SBNO1: variants seen among roughly 807,000 people sequenced by gnomAD.
The protein encoded by SBNO1 is strawberry notch homolog 1, also known as protein strawberry notch homolog 1.
A neutral mutation model predicts 173.6 loss-of-function variants in SBNO1; 23 were observed. The ratio of observed to expected loss-of-function variants is 0.13; its 90% CI spans 0.10 to 0.19. The LOEUF is 0.19. SBNO1 is among the 10% of genes least tolerant of loss of function. SBNO1 has a pLI of 1.00. For synonymous variants in SBNO1, 632 were observed against 571.5 expected (o/e 1.11, Z -1.51); for missense variants, 1,238 against 1,671.2 (o/e 0.74, Z 4.52).
At chr12:123,302,754 A>G in intron 30 of SBNO1, 70 bp downstream of exon 30, 9 of 926,126 alleles carry the variant, frequency 9.7e-6, no homozygotes, top group Non-Finnish European at 1.6e-5. Context: ...ACATACTGAT[A>G]AAGAGTGAAG....
At chr12:123,324,322 T>C (rs949553714) in intron 15 of SBNO1, among the ~76,000 whole-genome samples, 3 of 75,218 alleles carry the variant, frequency 4.0e-5, no homozygotes, top group African/African-American at 1.7e-4. Context: ...TCTTGCTTTT[T>C]TCTTTTTTTT....
At chr12:123,309,186 T>C in intron 28 of SBNO1, 124 bp downstream of exon 28, 2 of 706,766 alleles carry the variant, frequency 2.8e-6, no homozygotes, top group South Asian at 3.6e-5. Flanking sequence ...ATTACAATGA[T>C]AAATTACCAA....
chr12:123,314,773 T>A (rs1869072156), intron 23 of SBNO1, among the ~76,000 whole-genome samples: 1 of 152,172 alleles, frequency 6.6e-6, no homozygotes, highest in Non-Finnish European at 1.5e-5. Context: ...GCCCATCTAA[T>A]TTTTGTAGAG....
At chr12:123,303,603 C>G (rs547469894) in intron 29 of SBNO1, among the ~76,000 whole-genome samples, 6 of 152,042 alleles carry the variant, frequency 3.9e-5, no homozygotes, top group Non-Finnish European at 8.8e-5. Flanking sequence ...GAGCCAAGAT[C>G]GCGCCACTAC....
At chr12:123,363,628 T>TA (rs1412118393) in intron 1 of SBNO1, among the ~76,000 whole-genome samples, 1 of 152,172 alleles carries the variant, frequency 6.6e-6, no homozygotes, top group East Asian at 1.9e-4. Flanking sequence ...CGGGTGCACT[T>TA]ACAATTGGCT....
intron 8 of SBNO1, among the ~76,000 whole-genome samples, chr12:123,330,851 T>C (rs1487259743): frequency 6.6e-6 from 1 of 151,832 alleles, no homozygotes; most frequent in Non-Finnish European, 1.5e-5. Context: ...CTTGAGCCCC[T>C]GAGGTAGAGG....
intron 31 of SBNO1, among the ~76,000 whole-genome samples, chr12:123,296,799 T>C: frequency 6.6e-6 from 1 of 151,926 alleles, no homozygotes; most frequent in East Asian, 1.9e-4. Flanking sequence ...GACTTCATGA[T>C]CCACCTGCCT....
At chr12:123,337,807 C>A (rs1872030270) in intron 5 of SBNO1, among the ~76,000 whole-genome samples, 1 of 152,150 alleles carries the variant, frequency 6.6e-6, no homozygotes, top group African/African-American at 2.4e-5. Flanking sequence ...CTAACCCTGT[C>A]CTCGCTTATA....
intron 29 of SBNO1, 49 bp downstream of exon 29, chr12:123,304,533 G>T (rs371244412): frequency 1.4e-6 from 2 of 1,391,238 alleles, no homozygotes; most frequent in African/African-American, 1.4e-5. Flanking sequence ...ACATTGCCTG[G>T]CCCAAAGTAA....
chr12:123,324,324 CTTTT>C (rs61618485), intron 15 of SBNO1, among the ~76,000 whole-genome samples: 35 of 117,548 alleles, frequency 3.0e-4, no homozygotes, highest in Admixed American at 6.9e-4. Context: ...TTGCTTTTTT[CTTTT>C]TTTTTTTTTT....
rs898357580 is a variant in SBNO1 at position 123,292,520 on chromosome 12, G to T, written c.*3388C>A. On this transcript the variant is annotated 3_prime_UTR_variant, in exon 32 of 32. Coordinates refer to ENST00000602398, the MANE Select transcript of SBNO1 (RefSeq NM_001167856.3). ...TTTCTTCTCTTGCCGGCTAACAATT[G>T]TTCTAACAGCATCCCATGGAGGCCA... is the stretch of plus-strand genomic sequence containing the variant. The T allele has an allele frequency of 2.0e-5, 3 of 152,134 alleles. No homozygotes were observed. Among genetic ancestry groups the T allele is most frequent in the Admixed American group, 2.0e-4 (3 of 15,262 alleles). The allele number at this position is 152,134 out of a possible 1,614,324, so 9.4% of individuals were successfully genotyped here. A position where few individuals can be genotyped will look rare whatever the true frequency, so the allele number is the denominator to read the frequency against.
In SBNO1 at chr12:123,321,262, A is replaced by G. The variant is rs544651655; in HGVS notation, c.2323+273T>C. Among the ~76,000 whole-genome samples the G allele has an allele frequency of 1.2e-4, 19 of 152,214 alleles. No homozygotes were observed. In the South Asian group the frequency reaches 2.5e-3, roughly 20 times the overall value. ...ATGAAATTTTTTATATTGTTAACTG[A>G]TAACTTATCACCACCTACATTGGTT... On this transcript the variant is annotated intron_variant, in intron 17 of 31. Transcript: ENST00000602398.
At chr12:123,312,648 T>G (rs768844569) in intron 24 of SBNO1, among the ~76,000 whole-genome samples, 1 of 151,242 alleles carries the variant, frequency 6.6e-6, no homozygotes, top group Admixed American at 6.6e-5. Flanking sequence ...GTGGCGGAGG[T>G]TGCACTGAGC....
At chr12:123,347,760 C>G (rs1343432154) in intron 3 of SBNO1, among the ~76,000 whole-genome samples, 4 of 152,038 alleles carry the variant, frequency 2.6e-5, no homozygotes, top group Non-Finnish European at 5.9e-5. Flanking sequence ...GTCTTGAACT[C>G]CTGACCTCAA....
At chr12:123,297,177 T>C (rs572682668) in intron 31 of SBNO1, among the ~76,000 whole-genome samples, 86 of 150,846 alleles carry the variant, frequency 5.7e-4, no homozygotes, top group Middle Eastern at 3.4e-3. Flanking sequence ...CTGGCCAACA[T>C]GGTGAAAACC....
chr12:123,309,623 A>G (rs1259951289), intron 26 of SBNO1, 40 bp from the exon 27 acceptor site: 1 of 1,601,598 alleles, frequency 6.2e-7, no homozygotes, highest in Admixed American at 1.7e-5. Context: ...TAAAAAGAAC[A>G]TTTTTATCAG....
At chr12:123,330,157 G>A (rs1400041809) in intron 9 of SBNO1, among the ~76,000 whole-genome samples, 2 of 152,208 alleles carry the variant, frequency 1.3e-5, no homozygotes, top group African/African-American at 4.8e-5. Context: ...GGTGTGCACT[G>A]TACACTTGAG....
Position 123,292,928 on chromosome 12 carries a change from TACAG to T in SBNO1, c.*2976_*2979del, listed in dbSNP as rs2048533601. ...AGTGTATCTGGATAATCCCAGTAAC[TACAG>T]ACAGAGACCTTGTGGTATGGAGGTT... On this transcript the variant is annotated 3_prime_UTR_variant, in exon 32 of 32. Transcript: ENST00000602398. The T allele has an allele frequency of 6.6e-6, 1 of 152,194 alleles. No homozygotes were observed. Among genetic ancestry groups the T allele is most frequent in the Non-Finnish European group, 1.5e-5 (1 of 68,028 alleles). 9.4% of individuals were successfully genotyped at this position (152,194 alleles called of 1,614,324 possible).
Position 123,357,082 on chromosome 12 carries a change from CTT to C in SBNO1, c.1-6643_1-6642del, listed in dbSNP as rs1278101493. Among the ~76,000 whole-genome samples the C allele has an allele frequency of 6.1e-3, 929 of 152,202 alleles. 13 individuals carry two copies. Among genetic ancestry groups the C allele is most frequent in the African/African-American group, 0.021 (890 of 41,538 alleles). On this transcript the variant is annotated intron_variant, in intron 1 of 31. Coordinates refer to ENST00000602398, the MANE Select transcript of SBNO1 (RefSeq NM_001167856.3). ...AAGTGTCTACTGTGTGCAGTAGACACTTAAGAACATCAGGAGAAAGAAACAGC... is the reference window on the plus strand; with the variant it reads ...AAGTGTCTACTGTGTGCAGTAGACACAAGAACATCAGGAGAAAGAAACAGC...
Sources: gnomAD v4.1 joint callset for allele counts (sites outside exome capture counted in the v4.1 genomes callset) on GRCh38, gnomAD v4.1.1 for gene constraint, MANE v1.5 for transcripts, NCBI Gene and HGNC (gene_info 2026-07-23, HGNC 2026-07-21) for gene names.